Variants in RBPMS observed in about 807,000 individuals in gnomAD.
RBPMS encodes RNA binding protein, mRNA processing factor, also known as RNA-binding protein with multiple splicing.
RBPMS carries 7 observed loss-of-function variants against 26.8 expected under a neutral mutation model. That is an observed-to-expected ratio of 0.26 (90% confidence interval 0.15 to 0.49). RBPMS has a LOEUF of 0.49. Ranked by LOEUF, RBPMS falls within the 20% of genes least tolerant of loss-of-function variation. RBPMS has a pLI of 0.98. For missense variants in RBPMS, 186 were observed against 250.0 expected (o/e 0.74, Z 1.73); for synonymous variants, 96 against 93.3 (o/e 1.03, Z -0.17).
chr8:30,539,093 C>T (rs1221090670), intron 5 of RBPMS, among the ~76,000 whole-genome samples: 2 of 152,128 alleles, frequency 1.3e-5, no homozygotes, highest in African/African-American at 4.8e-5. Flanking sequence ...GAGTTGATTG[C>T]TAACAGAATC....
chr8:30,545,422 C>T (rs984647316), intron 6 of RBPMS: 10 of 1,030,412 alleles, frequency 9.7e-6, no homozygotes, highest in Non-Finnish European at 1.2e-5. Context: ...GATCACCACT[C>T]ATTCTTTGGC....
intron 6 of RBPMS, among the ~76,000 whole-genome samples, chr8:30,549,795 T>TCTCTCTCTCTCC (rs1298441943): frequency 1.3e-4 from 13 of 100,742 alleles, no homozygotes; most frequent in African/African-American, 3.3e-4. Flanking sequence ...TCTCTCTCTC[T>TCTCTCTCTCTCC]CCCCTCTCTC....
At chr8:30,416,637 C>G (rs1810116221) in intron 1 of RBPMS, among the ~76,000 whole-genome samples, 2 of 152,012 alleles carry the variant, frequency 1.3e-5, no homozygotes, top group South Asian at 4.2e-4. Flanking sequence ...CCAGGCCCAG[C>G]TAATTTTTTG....
At chr8:30,479,885 G>T (rs760346723) in intron 4 of RBPMS, among the ~76,000 whole-genome samples, 1 of 151,740 alleles carries the variant, frequency 6.6e-6, no homozygotes, top group African/African-American at 2.4e-5. Flanking sequence ...CCCAAAAGAC[G>T]TGTGTTGTAA....
chr8:30,455,796 G>C (rs546765708), intron 1 of RBPMS, among the ~76,000 whole-genome samples: 2 of 152,182 alleles, frequency 1.3e-5, no homozygotes, highest in African/African-American at 4.8e-5. Context: ...AGGCTGAGTC[G>C]GGAGAATGGC....
intron 1 of RBPMS, chr8:30,445,409 C>T (rs114027433): frequency 1.3e-5 from 2 of 152,136 alleles, no homozygotes; most frequent in African/African-American, 2.4e-5. Context: ...AACTATAATA[C>T]AGAGCTATTT....
intron 1 of RBPMS, among the ~76,000 whole-genome samples, chr8:30,448,703 CTTT>C (rs1377183800): frequency 3.9e-5 from 6 of 152,330 alleles, no homozygotes; most frequent in African/African-American, 1.4e-4. Context: ...GGCTCTATCA[CTTT>C]CTAGTTATGT....
intron 4 of RBPMS, among the ~76,000 whole-genome samples, chr8:30,498,724 A>G (rs1455862370): frequency 6.6e-6 from 1 of 152,224 alleles, no homozygotes; most frequent in Admixed American, 6.5e-5. Flanking sequence ...GCAAATAAAT[A>G]AATGTATAGT....
At chr8:30,518,862 G>A (rs777625471) in intron 5 of RBPMS, among the ~76,000 whole-genome samples, 15 of 151,600 alleles carry the variant, frequency 9.9e-5, no homozygotes, top group Non-Finnish European at 1.9e-4. Flanking sequence ...CAGAGAGTAA[G>A]TGGAATGCTG....
At chr8:30,549,859 T>G (rs1307483871) in intron 6 of RBPMS, among the ~76,000 whole-genome samples, 1 of 150,748 alleles carries the variant, frequency 6.6e-6, no homozygotes. Context: ...CTTTCTTCTT[T>G]TTTTTTTCTG....
chr8:30,486,374 AC>A, intron 4 of RBPMS, among the ~76,000 whole-genome samples: 1 of 150,764 alleles, frequency 6.6e-6, no homozygotes, highest in African/African-American at 2.4e-5. Flanking sequence ...TAAAAAAAAA[AC>A]AAAAAACAGG....
chr8:30,419,134 A>T (rs1356481478), intron 1 of RBPMS, among the ~76,000 whole-genome samples: 2 of 151,884 alleles, frequency 1.3e-5, no homozygotes, highest in Non-Finnish European at 2.9e-5. Context: ...CACAAAAATC[A>T]CAGGGTTTTA....
intron 8 of RBPMS, among the ~76,000 whole-genome samples, chr8:30,568,589 G>C (rs1828054680): frequency 6.6e-6 from 1 of 152,202 alleles, no homozygotes; most frequent in Admixed American, 6.5e-5. Context: ...TTTGTTCCCT[G>C]TCTTGACGTC....
At chr8:30,410,143 TACACACACACACACACACACACACACAC>T (rs34489233) in intron 1 of RBPMS, among the ~76,000 whole-genome samples, 2 of 132,096 alleles carry the variant, frequency 1.5e-5, no homozygotes, top group African/African-American at 5.5e-5. Context: ...TGACTTAAAA[TACACACACACACACACACACACACACAC>T]ACACACACAC....
chr8:30,427,888 G>C (rs1811530279), intron 1 of RBPMS, among the ~76,000 whole-genome samples: 2 of 152,114 alleles, frequency 1.3e-5, no homozygotes, highest in Non-Finnish European at 2.9e-5. Flanking sequence ...CTAGTGCATG[G>C]TGAAATATTC....
At chr8:30,468,754 T>G (rs1157125249) in intron 1 of RBPMS, among the ~76,000 whole-genome samples, 1 of 152,198 alleles carries the variant, frequency 6.6e-6, no homozygotes, top group Admixed American at 6.5e-5. Flanking sequence ...CACTGTGTGT[T>G]TCAAGAATGG....
At chr8:30,439,472 G>T (rs1161802192) in intron 1 of RBPMS, among the ~76,000 whole-genome samples, 1 of 152,182 alleles carries the variant, frequency 6.6e-6, no homozygotes, top group East Asian at 1.9e-4. Flanking sequence ...GAGAAACTTT[G>T]AATAGGCTGA....
intron 1 of RBPMS, among the ~76,000 whole-genome samples, chr8:30,430,406 C>A (rs1013296282): frequency 6.6e-6 from 1 of 152,136 alleles, no homozygotes; most frequent in African/African-American, 2.4e-5. Flanking sequence ...AAGCTGACAG[C>A]GAAGAAGAGG....
intron 8 of RBPMS, among the ~76,000 whole-genome samples, chr8:30,569,445 GA>G (rs1470633207): frequency 1.3e-5 from 2 of 152,186 alleles, no homozygotes; most frequent in Non-Finnish European, 2.9e-5. Context: ...CATGAGTTCT[GA>G]AAGACAGTGT....
Sources: gnomAD v4.1 joint callset for allele counts (sites outside exome capture counted in the v4.1 genomes callset) on GRCh38, gnomAD v4.1.1 for gene constraint, MANE v1.5 for transcripts, NCBI Gene and HGNC (gene_info 2026-07-23, HGNC 2026-07-21) for gene names.